The following NCOA6 variants were observed in gnomAD, a reference collection of about 807,000 sequenced individuals.
NCOA6 encodes the protein nuclear receptor coactivator 6.
Under a neutral mutation model 171.4 loss-of-function variants are expected in NCOA6, and 49 were observed. The ratio of observed to expected loss-of-function variants is 0.29; its 90% CI spans 0.23 to 0.36. The LOEUF (loss-of-function observed/expected upper bound fraction) is 0.36. Ranked by LOEUF, NCOA6 falls within the 10% of genes least tolerant of loss-of-function variation. The pLI is 1.00. For missense variants in NCOA6, 2,248 were observed against 2,554.5 expected (o/e 0.88, Z 2.59); for synonymous variants, 910 against 927.5 (o/e 0.98, Z 0.34).
At position 34,732,588 on chromosome 20, in the gene NCOA6, C is replaced by T. The variant is rs1373240355; in HGVS notation, c.5970G>A (p.Glu1990=). 7 of 1,613,602 alleles carry T rather than the reference C, an allele frequency of 4.3e-6. No individual in the cohort carries two copies. Among genetic ancestry groups the T allele is most frequent in the Non-Finnish European group, 5.9e-6 (7 of 1,179,774 alleles). The part of the protein sequence containing the change: ...LQASVARPEL[E]VNAAIVSGQS... ...GTCCAGAGACTATGGCAGCATTTAC[C>T]TCCAGCTCTGCAAAAAAATATAAAG... Residue 1990 remains glutamate, a synonymous_variant, in exon 13 of 15, where the codon GAG becomes GAA. Coordinates refer to ENST00000359003, the MANE Select transcript of NCOA6 (RefSeq NM_014071.5).
At chr20:34,716,679 G>C (rs1190411255) in intron 14 of NCOA6, among the ~76,000 whole-genome samples, 2 of 152,096 alleles carry the variant, frequency 1.3e-5, no homozygotes, top group East Asian at 3.9e-4. Context: ...GAGCCCAGGA[G>C]TTCATGGCTG....
At chr20:34,778,667 C>T (rs6120724) in intron 3 of NCOA6, among the ~76,000 whole-genome samples, 51,400 of 151,302 alleles carry the variant, frequency 0.34, 9,065 homozygotes, top group Middle Eastern at 0.41. Context: ...ACCTTGTGAT[C>T]CACCTGCCTC....
In NCOA6 at chr20:34,825,580, G is replaced by C. The variant is rs1458938561; in HGVS notation, c.-272C>G. The C allele has an allele frequency of 2.0e-5, 3 of 148,616 alleles. No homozygotes were observed. Among genetic ancestry groups the C allele is most frequent in the Non-Finnish European group, 3.0e-5 (2 of 66,860 alleles). 9.2% of individuals were successfully genotyped at this position (148,616 alleles called of 1,614,324 possible). ...CGTCAGTCCTCGCGTGCGCCCGTCT[G>C]TCCCGCCGCCCGCGCCCGGCCGCCC... On this transcript the variant is annotated 5_prime_UTR_variant, in exon 1 of 15. Transcript: ENST00000359003.
chr20:34,733,346 T>C (rs2075844759), intron 12 of NCOA6, among the ~76,000 whole-genome samples: 1 of 152,316 alleles, frequency 6.6e-6, no homozygotes, highest in East Asian at 1.9e-4. Flanking sequence ...GCCCTATTCC[T>C]GTTCCCCCAT....
intron 9 of NCOA6, among the ~76,000 whole-genome samples, chr20:34,747,327 T>C (rs1205755639): frequency 6.6e-6 from 1 of 152,200 alleles, no homozygotes; most frequent in Non-Finnish European, 1.5e-5. Flanking sequence ...TGTTTCTTTT[T>C]TGTGGATATA....
chr20:34,762,698 A>G (rs1239698852), intron 5 of NCOA6, among the ~76,000 whole-genome samples: 1 of 152,112 alleles, frequency 6.6e-6, no homozygotes, highest in African/African-American at 2.4e-5. Flanking sequence ...ATTTAGATTT[A>G]CCCCATGCTT....
At position 34,715,297 on chromosome 20, in the gene NCOA6, A is replaced by C. The variant is rs766055434; in HGVS notation, c.*25T>G. The stretch of plus-strand genomic sequence containing the variant: ...TTTGTAAAAGTCACACACATTTCCA[A>C]GTATCAAGTCGCAGTCCTGCTTGTT... On this transcript the variant is annotated 3_prime_UTR_variant, in exon 15 of 15. Transcript: ENST00000359003. 1 of 1,613,906 alleles carries C rather than the reference A, an allele frequency of 6.2e-7. No individual in the cohort carries two copies. Among genetic ancestry groups the C allele is most frequent in the Non-Finnish European group, 8.5e-7 (1 of 1,179,796 alleles).
chr20:34,748,766 C>A (rs750915345), intron 9 of NCOA6, among the ~76,000 whole-genome samples: 11 of 152,234 alleles, frequency 7.2e-5, no homozygotes, highest in Non-Finnish European at 1.3e-4. Context: ...GGGTTTTAAG[C>A]TTCTAGGGAT....
At chr20:34,781,071 A>G (rs1186363956) in intron 3 of NCOA6, among the ~76,000 whole-genome samples, 1 of 152,252 alleles carries the variant, frequency 6.6e-6, no homozygotes, top group Non-Finnish European at 1.5e-5. Flanking sequence ...CAAGACCTTT[A>G]TAATATATAA....
At chr20:34,729,341 ATTG>A (rs1213299986) in intron 13 of NCOA6, among the ~76,000 whole-genome samples, 9 of 152,190 alleles carry the variant, frequency 5.9e-5, no homozygotes, top group Admixed American at 6.5e-5. Context: ...TACAGTGAAT[ATTG>A]TTGAGTTGTA....
At chr20:34,777,004 C>T (rs900253196) in intron 3 of NCOA6, among the ~76,000 whole-genome samples, 2 of 151,726 alleles carry the variant, frequency 1.3e-5, no homozygotes, top group African/African-American at 4.8e-5. Context: ...GTAGTCCCAG[C>T]TACTCGGGAG....
At chr20:34,817,974 T>C (rs781084020) in intron 1 of NCOA6, among the ~76,000 whole-genome samples, 1 of 152,176 alleles carries the variant, frequency 6.6e-6, no homozygotes, top group Non-Finnish European at 1.5e-5. Flanking sequence ...AAGCCTTCCA[T>C]GATTTGATTA....
chr20:34,790,006 G>A (rs1352132759), intron 2 of NCOA6, among the ~76,000 whole-genome samples: 3 of 151,468 alleles, frequency 2.0e-5, no homozygotes, highest in South Asian at 2.1e-4. Flanking sequence ...AGGCCAAGGC[G>A]GGTGGATCAC....
chr20:34,746,486 G>A (rs752389739), intron 10 of NCOA6, among the ~76,000 whole-genome samples: 4 of 152,110 alleles, frequency 2.6e-5, no homozygotes, highest in Non-Finnish European at 5.9e-5. Context: ...CAAGCGATCT[G>A]CTCATCTTGG....
chr20:34,739,597 C>T (rs1039073323), intron 11 of NCOA6, among the ~76,000 whole-genome samples: 3 of 152,156 alleles, frequency 2.0e-5, no homozygotes, highest in Non-Finnish European at 4.4e-5. Context: ...CAAATCTTCA[C>T]CCTGGTAAAG....
At position 34,716,038 on chromosome 20, in the gene NCOA6, G is replaced by A. The variant is rs1007943461; in HGVS notation, c.6149-673C>T. 1.1e-4 allele frequency among the ~76,000 whole-genome samples: 16 copies of A among 151,846 alleles called. No individual in the cohort carries two copies. The East Asian group carries it at 2.1e-3, about 20-fold the overall frequency. On this transcript the variant is annotated intron_variant, in intron 14 of 14. Coordinates refer to ENST00000359003, the MANE Select transcript of NCOA6 (RefSeq NM_014071.5). ...TTGAGACTAGTTTGGCCAACATGGC[G>A]AAACCCCATCTCTACTAAAAATACA...
Position 34,741,862 on chromosome 20 carries a change from G to A in NCOA6, c.4394C>T (p.Ser1465Leu), listed in dbSNP as rs373923954. The A allele has an allele frequency of 1.8e-5, 29 of 1,614,048 alleles. No homozygotes were observed. The highest frequency in any genetic ancestry group is 5.0e-5 in the Admixed American group (3 of 60,006). Residue 1465 changes from serine (S) to leucine (L), a missense_variant, in exon 11 of 15, where the codon TCG (serine) becomes TTG (leucine). Coordinates refer to ENST00000359003, the MANE Select transcript of NCOA6 (RefSeq NM_014071.5). ...EDQSKKDGQP[S>L]DPNKLPSVEE... ...GACACTGGGAAGTTTGTTAGGATCC[G>A]AAGGCTGCCCATCCTTTTTGGACTG...
rs376329397 is a variant in NCOA6, at chr20:34,717,909, T to C, written c.6149-2544A>G. On this transcript the variant is annotated intron_variant, in intron 14 of 14. Coordinates refer to ENST00000359003, the MANE Select transcript of NCOA6 (RefSeq NM_014071.5). The stretch of plus-strand genomic sequence containing the variant: ...TTGTGATATGAAGGATCAAGTGGTA[T>C]GTCTGAGAAACATATGTGGCTGGGA... Among the ~76,000 whole-genome samples, 12 of 152,336 alleles carry C rather than the reference T, an allele frequency of 7.9e-5. No individual in the cohort carries two copies. In the East Asian group the frequency reaches 9.7e-4, roughly 12 times the overall value.
Position 34,749,571 on chromosome 20 carries a change from G to C in NCOA6, c.2624C>G (p.Pro875Arg), listed in dbSNP as rs1408990384. Residue 875 changes from proline (P) to arginine (R), a missense_variant, in exon 9 of 15, where the codon CCA (proline) becomes CGA (arginine). Physicochemically the swap from Pro to Arg is moderately radical, Grantham distance 103. Coordinates refer to ENST00000359003, the MANE Select transcript of NCOA6 (RefSeq NM_014071.5). ...CGTTAGCGTGACATCCTTATTGACT[G>C]GGAAGCCTGGATTTTGACCACAGGA... ...QMSCGQNPGF[P>R]VNKDVTLTSP... 1 of 1,614,148 alleles carries C rather than the reference G, an allele frequency of 6.2e-7. No homozygotes were observed. Among genetic ancestry groups the C allele is most frequent in the African/African-American group, 1.3e-5 (1 of 75,020 alleles).
Sources: gnomAD v4.1 joint callset for allele counts (sites outside exome capture counted in the v4.1 genomes callset) on GRCh38, gnomAD v4.1.1 for gene constraint, MANE v1.5 for transcripts, NCBI Gene and HGNC (gene_info 2026-07-23, HGNC 2026-07-21) for gene names.